SEMA3C: variants seen among roughly 807,000 people sequenced by gnomAD.
SEMA3C encodes the protein semaphorin 3C, also known as semaphorin-3C.
SEMA3C carries 47 observed loss-of-function variants against 89.4 expected under a neutral mutation model. The ratio of observed to expected loss-of-function variants is 0.53; its 90% CI spans 0.42 to 0.67. SEMA3C has a LOEUF of 0.67. Ranked by LOEUF, SEMA3C falls within the 30% of genes least tolerant of loss-of-function variation. SEMA3C has a pLI of 0.00. For synonymous variants in SEMA3C, 310 were observed against 320.2 expected (o/e 0.97, Z 0.34); for missense variants, 839 against 929.1 (o/e 0.90, Z 1.26).
intron 2 of SEMA3C, among the ~76,000 whole-genome samples, chr7:80,868,590 C>T (rs185771676): frequency 6.6e-6 from 1 of 152,058 alleles, no homozygotes; most frequent in African/African-American, 2.4e-5. Context: ...TTCCAAAATA[C>T]AATGCTGATT....
chr7:80,833,906 C>T (rs188664045), intron 2 of SEMA3C, among the ~76,000 whole-genome samples: 2 of 152,098 alleles, frequency 1.3e-5, no homozygotes, highest in East Asian at 3.9e-4. Flanking sequence ...GAATTGGCCA[C>T]GGTTATAGAA....
chr7:80,847,710 T>C (rs983303415), intron 2 of SEMA3C, among the ~76,000 whole-genome samples: 1 of 152,128 alleles, frequency 6.6e-6, no homozygotes, highest in Non-Finnish European at 1.5e-5. Flanking sequence ...AAGAAATCTA[T>C]ATAGGGCTGA....
intron 12 of SEMA3C, among the ~76,000 whole-genome samples, chr7:80,777,439 G>T (rs894872174): frequency 6.6e-6 from 1 of 152,020 alleles, no homozygotes; most frequent in Admixed American, 6.6e-5. Flanking sequence ...TTACAGATGC[G>T]TGCCACCACG....
intron 2 of SEMA3C, among the ~76,000 whole-genome samples, chr7:80,845,834 C>T (rs186665449): frequency 2.0e-5 from 3 of 152,260 alleles, no homozygotes; most frequent in Admixed American, 6.5e-5. Context: ...ACATCAGCTT[C>T]GTGCTTCTAT....
rs561313986 is a variant in SEMA3C at position 80,804,860 on chromosome 7, C to T, written c.659-612G>A. Among the ~76,000 whole-genome samples the T allele has an allele frequency of 1.3e-3, 201 of 152,214 alleles. 1 individual carries two copies. The highest frequency in any genetic ancestry group is 4.2e-3 in the African/African-American group (174 of 41,548). On this transcript the variant is annotated intron_variant, in intron 7 of 17. Coordinates refer to ENST00000265361, the MANE Select transcript of SEMA3C (RefSeq NM_006379.5). Reference sequence around the variant, plus strand: ...GCTGGCCTATCAGCGAAATAGGATGCTTCACTGTGGTGATTCATGCTTAAC... The same window carrying T: ...GCTGGCCTATCAGCGAAATAGGATGTTTCACTGTGGTGATTCATGCTTAAC...
intron 2 of SEMA3C, among the ~76,000 whole-genome samples, chr7:80,840,547 CGAGA>C (rs138991595): frequency 5.0e-5 from 7 of 141,018 alleles, no homozygotes; most frequent in Admixed American, 2.2e-4. Context: ...AAAAAAAGAG[CGAGA>C]GAGAGAGAGC....
At chr7:80,804,002 T>C (rs1789276227) in intron 8 of SEMA3C, 104 bp downstream of exon 8, 4 of 1,019,910 alleles carry the variant, frequency 3.9e-6, no homozygotes, top group Non-Finnish European at 5.6e-6. Context: ...AATGCTTCCC[T>C]CAATATTTTA....
intron 2 of SEMA3C, among the ~76,000 whole-genome samples, chr7:80,909,550 A>C (rs1792095269): frequency 6.6e-6 from 1 of 152,160 alleles, no homozygotes; most frequent in African/African-American, 2.4e-5. Context: ...GCAAGCGTTA[A>C]AGTTGAGTAA....
intron 5 of SEMA3C, among the ~76,000 whole-genome samples, chr7:80,812,846 G>A (rs1468019555): frequency 6.6e-6 from 1 of 152,034 alleles, no homozygotes; most frequent in Non-Finnish European, 1.5e-5. Flanking sequence ...AAGTGCAGTG[G>A]TGCGATCTCG....
At chr7:80,794,952 A>T (rs995164610) in intron 11 of SEMA3C, among the ~76,000 whole-genome samples, 2 of 152,202 alleles carry the variant, frequency 1.3e-5, no homozygotes, top group Non-Finnish European at 2.9e-5. Flanking sequence ...GTTTTAAAAG[A>T]AGCACCTACA....
At chr7:80,802,532 G>A (rs926102739) in intron 9 of SEMA3C, 133 bp downstream of exon 9, 59 of 575,574 alleles carry the variant, frequency 1.0e-4, no homozygotes, top group Non-Finnish European at 1.5e-4. Context: ...ACAGTATCTA[G>A]ATAATTATTT....
chr7:80,812,528 C>T (rs1033176678), intron 5 of SEMA3C, among the ~76,000 whole-genome samples: 2 of 152,070 alleles, frequency 1.3e-5, no homozygotes, highest in Non-Finnish European at 2.9e-5. Context: ...CTGATTTGAC[C>T]AAATAAGTGA....
At chr7:80,785,092 C>A (rs1459047448) in intron 12 of SEMA3C, among the ~76,000 whole-genome samples, 2 of 151,886 alleles carry the variant, frequency 1.3e-5, no homozygotes, top group Non-Finnish European at 2.9e-5. Flanking sequence ...TCTGGTAACA[C>A]AAAAAATAAT....
rs1168384539 is a variant in SEMA3C at position 80,761,646 on chromosome 7, A to G, written c.1455T>C (p.Pro485=). The change falls in exon 14 of 18, where the codon CCT becomes CCC. Residue 485 remains proline, a synonymous_variant. Coordinates refer to ENST00000265361, the MANE Select transcript of SEMA3C (RefSeq NM_006379.5). ...EELEVFKNHA[P]ITTMKISSKK... is the part of the protein sequence containing the mutation. ...TAGATGAAATTTTCATTGTTGTTATAGGAGCATGATTCTAAAATATTAGAA... is the reference window on the plus strand; with the variant it reads ...TAGATGAAATTTTCATTGTTGTTATGGGAGCATGATTCTAAAATATTAGAA... 1 of 1,348,486 alleles carries G rather than the reference A, an allele frequency of 7.4e-7. No homozygotes were observed. Among genetic ancestry groups the G allele is most frequent in the African/African-American group, 1.5e-5 (1 of 67,068 alleles). 83.5% of individuals were successfully genotyped at this position (1,348,486 alleles called of 1,614,324 possible). A position where few individuals can be genotyped will look rare whatever the true frequency, so the allele number is the denominator to read the frequency against.
Position 80,745,104 on chromosome 7 carries a change from A to G in SEMA3C, c.2046T>C (p.Ser682=), listed in dbSNP as rs756347429. 25 of 1,613,950 alleles carry G rather than the reference A, an allele frequency of 1.5e-5. 1 individual carries two copies. In the South Asian group the frequency reaches 2.7e-4, roughly 18 times the overall value. ...DKWSPWTWAS[S]VRALPFHPKD... ...TCGGGTGGAAGGGTAAAGCCCTCACAGAGCTGGCCCAGGTCCATGGGGACC... is the reference window on the plus strand; with the variant it reads ...TCGGGTGGAAGGGTAAAGCCCTCACGGAGCTGGCCCAGGTCCATGGGGACC... The change falls in exon 18 of 18, where the codon TCT becomes TCC. Residue 682 remains serine (S), a synonymous_variant. Coordinates refer to ENST00000265361, the MANE Select transcript of SEMA3C (RefSeq NM_006379.5).
chr7:80,837,432 G>A (rs959951058), intron 2 of SEMA3C, among the ~76,000 whole-genome samples: 4 of 152,172 alleles, frequency 2.6e-5, no homozygotes, highest in African/African-American at 7.2e-5. Context: ...TTGTGGCAAA[G>A]TTACCTTGGG....
intron 2 of SEMA3C, among the ~76,000 whole-genome samples, chr7:80,882,693 A>T (rs1791374958): frequency 6.6e-6 from 1 of 151,978 alleles, no homozygotes; most frequent in African/African-American, 2.4e-5. Flanking sequence ...TTTTTCTTGT[A>T]TGCATAGCTG....
chr7:80,871,607 G>A (rs1230973121), intron 2 of SEMA3C, among the ~76,000 whole-genome samples: 1 of 152,180 alleles, frequency 6.6e-6, no homozygotes, highest in Non-Finnish European at 1.5e-5. Context: ...TTGAGCAGTA[G>A]GATATAAATA....
At chr7:80,760,197 G>A (rs1028624563) in intron 14 of SEMA3C, among the ~76,000 whole-genome samples, 1 of 152,308 alleles carries the variant, frequency 6.6e-6, no homozygotes, top group East Asian at 1.9e-4. Context: ...TCCTTGCCTT[G>A]AATCTCACTG....
Sources: gnomAD v4.1 joint callset for allele counts (sites outside exome capture counted in the v4.1 genomes callset) on GRCh38, gnomAD v4.1.1 for gene constraint, MANE v1.5 for transcripts, NCBI Gene and HGNC (gene_info 2026-07-23, HGNC 2026-07-21) for gene names.